Variants in CPEB1 observed in about 807,000 individuals in gnomAD.
The protein encoded by CPEB1 is cytoplasmic polyadenylation element binding protein 1.
CPEB1 carries 7 observed loss-of-function variants against 65.8 expected under a neutral mutation model. The ratio of observed to expected loss-of-function variants is 0.11; its 90% CI spans 0.06 to 0.20. CPEB1 has a LOEUF of 0.20. Ranked by LOEUF, CPEB1 falls within the 10% of genes least tolerant of loss-of-function variation. CPEB1 has a pLI of 1.00. For missense variants in CPEB1, 551 were observed against 712.2 expected, an observed-to-expected ratio of 0.77 and a Z score of 2.58; for synonymous variants, 262 against 260.0, an observed-to-expected ratio of 1.01 and a Z score of -0.08.
chr15:82,615,454 T>C lies in CPEB1; in HGVS notation c.271+11739A>G, dbSNP rs538547755. Among the ~76,000 whole-genome samples the C allele has an allele frequency of 5.6e-4, 86 of 152,330 alleles. 1 individual carries two copies. Among genetic ancestry groups the C allele is most frequent in the African/African-American group, 1.9e-3 (77 of 41,574 alleles). ...CAACTATGTAGCAGAAGAGCATTCA[T>C]TGCACAACTTCATCTGTCAGTGATT... On this transcript the variant is annotated intron_variant, in intron 3 of 12. Transcript: ENST00000684509.
chr15:82,646,837 GT>G (rs2047592675), intron 1 of CPEB1, among the ~76,000 whole-genome samples: 2 of 152,200 alleles, frequency 1.3e-5, no homozygotes, highest in East Asian at 2.0e-4. Context: ...TTGTGGGTGA[GT>G]CCCCCCACAC....
intron 3 of CPEB1, among the ~76,000 whole-genome samples, chr15:82,591,155 TC>T (rs919500234): frequency 4.3e-4 from 65 of 150,964 alleles, no homozygotes; most frequent in African/African-American, 1.5e-3. Context: ...CGTTCCCTTT[TC>T]CCCCCCGCCA....
chr15:82,641,956 C>T (rs983851021), intron 1 of CPEB1, among the ~76,000 whole-genome samples: 7 of 152,152 alleles, frequency 4.6e-5, no homozygotes, highest in African/African-American at 1.4e-4. Flanking sequence ...ATTACATCTA[C>T]AATGTGAATT....
intron 5 of CPEB1, 76 bp downstream of exon 5, chr15:82,557,684 T>C: frequency 8.0e-7 from 1 of 1,248,934 alleles, no homozygotes; most frequent in East Asian, 2.3e-5. Context: ...ATCCCATAGA[T>C]ATTGTACCCT....
chr15:82,562,279 T>C (rs1381266339), intron 4 of CPEB1: 1 of 448,578 alleles, frequency 2.2e-6, no homozygotes, highest in East Asian at 7.0e-5. Flanking sequence ...CTACCAGAAG[T>C]CCCTGCTTTA....
chr15:82,553,691 C>T, intron 7 of CPEB1, 135 bp from the exon 8 acceptor site: 10 of 775,414 alleles, frequency 1.3e-5, no homozygotes, highest in Non-Finnish European at 2.0e-5. Context: ...ATGCTGATCT[C>T]CGGTGTAAGC....
chr15:82,616,535 A>T (rs200967608), intron 3 of CPEB1, among the ~76,000 whole-genome samples: 4 of 150,048 alleles, frequency 2.7e-5, no homozygotes, highest in Non-Finnish European at 4.4e-5. Context: ...TCCTCTTTTT[A>T]AATTTTTTTT....
chr15:82,625,384 T>C lies in CPEB1; in HGVS notation c.271+1809A>G, dbSNP rs190770647. Among the ~76,000 whole-genome samples the C allele has an allele frequency of 4.9e-4, 74 of 151,896 alleles. 1 individual carries two copies. The East Asian group carries it at 0.014, about 28-fold the overall frequency. On this transcript the variant is annotated intron_variant, in intron 3 of 12. Transcript: ENST00000684509. ...AAGTTAGTCACTCCCTTAATATGCC[T>C]CTCCCTCAAACATTACGCTATTTAC... is the stretch of plus-strand genomic sequence containing the variant.
At chr15:82,594,469 G>T (rs912529481) in intron 3 of CPEB1, among the ~76,000 whole-genome samples, 1 of 152,220 alleles carries the variant, frequency 6.6e-6, no homozygotes, top group African/African-American at 2.4e-5. Flanking sequence ...CTTCTCAGAA[G>T]AGTGTTAGGG....
At chr15:82,605,612 G>T (rs568121488) in intron 3 of CPEB1, among the ~76,000 whole-genome samples, 8 of 152,146 alleles carry the variant, frequency 5.3e-5, no homozygotes, top group Non-Finnish European at 1.0e-4. Context: ...ATTTCACAGC[G>T]TATACATATA....
At chr15:82,646,406 C>G (rs921548245) in intron 1 of CPEB1, among the ~76,000 whole-genome samples, 2 of 152,174 alleles carry the variant, frequency 1.3e-5, no homozygotes, top group African/African-American at 4.8e-5. Flanking sequence ...CCAAGGGAAG[C>G]GGTTGCCAGA....
intron 3 of CPEB1, among the ~76,000 whole-genome samples, chr15:82,609,910 A>G (rs956462784): frequency 6.6e-6 from 1 of 151,970 alleles, no homozygotes; most frequent in African/African-American, 2.4e-5. Context: ...AAAATACAAA[A>G]TTAGCCAGGC....
chr15:82,648,145 G>C (rs905004178), upstream of CPEB1: 2 of 348,908 alleles, frequency 5.7e-6, no homozygotes, highest in African/African-American at 2.1e-5. Flanking sequence ...CCCGGAACCC[G>C]GCGGGGACTG....
intron 1 of CPEB1, chr15:82,640,952 T>C (rs2047056897): frequency 6.6e-6 from 1 of 151,676 alleles, no homozygotes; most frequent in Non-Finnish European, 1.5e-5. Context: ...AATGGACATT[T>C]CAAGTACAAT....
intron 3 of CPEB1, among the ~76,000 whole-genome samples, chr15:82,583,209 G>C (rs1219821404): frequency 6.6e-6 from 1 of 152,140 alleles, no homozygotes; most frequent in African/African-American, 2.4e-5. Flanking sequence ...TTCAAGGCTA[G>C]CATCATCCAA....
Position 82,544,472 on chromosome 15 carries a change from T to A in CPEB1, c.*120A>T. The A allele has an allele frequency of 1.5e-6, 1 of 661,812 alleles. No individual in the cohort carries two copies. Among genetic ancestry groups the A allele is most frequent in the Non-Finnish European group, 2.7e-6 (1 of 373,324 alleles). The allele number at this position is 661,812 out of a possible 1,614,324, so 41.0% of individuals were successfully genotyped here. A position where few individuals can be genotyped will look rare whatever the true frequency, so the allele number is the denominator to read the frequency against. On this transcript the variant is annotated 3_prime_UTR_variant, in exon 13 of 13. Transcript: ENST00000684509. ...CAGATTCAGCAAGTGCAAAGGTGAC[T>A]ACAATTTTCCCTTGTCCTTGGGAAG...
At chr15:82,602,640 G>GT (rs2043215035) in intron 3 of CPEB1, among the ~76,000 whole-genome samples, 1 of 152,192 alleles carries the variant, frequency 6.6e-6, no homozygotes, top group East Asian at 1.9e-4. Flanking sequence ...GAGGTCAGGA[G>GT]TTTGAGACCA....
At chr15:82,595,495 G>C (rs1484919998) in intron 3 of CPEB1, among the ~76,000 whole-genome samples, 1 of 152,166 alleles carries the variant, frequency 6.6e-6, no homozygotes, top group African/African-American at 2.4e-5. Flanking sequence ...CAGGTGTAAA[G>C]AGGCTCCACT....
chr15:82,604,975 G>A (rs929082603), intron 3 of CPEB1, among the ~76,000 whole-genome samples: 4 of 152,160 alleles, frequency 2.6e-5, no homozygotes, highest in African/African-American at 9.7e-5. Context: ...CGGAGACATA[G>A]AAAGGGCAAA....
Sources: gnomAD v4.1 joint callset for allele counts (sites outside exome capture counted in the v4.1 genomes callset) on GRCh38, gnomAD v4.1.1 for gene constraint, MANE v1.5 for transcripts, NCBI Gene and HGNC (gene_info 2026-07-23, HGNC 2026-07-21) for gene names.